The following KCNAB1 variants were observed in gnomAD, a reference collection of about 807,000 sequenced individuals.
KCNAB1 encodes the protein potassium voltage-gated channel subfamily A regulatory beta subunit 1, also known as voltage-gated potassium channel subunit beta-1.
Under a neutral mutation model 64.6 loss-of-function variants are expected in KCNAB1, and 35 were observed. That is an observed-to-expected ratio of 0.54 (90% CI 0.41 to 0.72). The LOEUF (loss-of-function observed/expected upper bound fraction) is 0.72, where lower values mean the gene tolerates loss of function less well. Ranked by LOEUF, KCNAB1 falls within the 30% of genes least tolerant of loss-of-function variation. KCNAB1 has a pLI of 0.00. For synonymous variants in KCNAB1, 177 were observed against 183.8 expected (o/e 0.96, Z 0.30); for missense variants, 401 against 512.9 (o/e 0.78, Z 2.11).
intron 2 of KCNAB1, among the ~76,000 whole-genome samples, chr3:156,426,169 C>T (rs892615825): frequency 6.6e-6 from 1 of 152,124 alleles, no homozygotes; most frequent in Admixed American, 6.5e-5. Context: ...CCTTCAAATC[C>T]AAAGGTCCCC....
At chr3:156,344,959 C>G (rs61376380) in intron 1 of KCNAB1, among the ~76,000 whole-genome samples, 4,769 of 152,246 alleles carry the variant, frequency 0.031, 150 homozygotes, top group African/African-American at 0.086. Flanking sequence ...TCAAATGACC[C>G]TAAGCATTCT....
chr3:156,126,657 G>T (rs1314197288), intron 1 of KCNAB1, among the ~76,000 whole-genome samples: 1 of 152,312 alleles, frequency 6.6e-6, no homozygotes, highest in East Asian at 1.9e-4. Flanking sequence ...CTCTGGGTAA[G>T]CCCCTTGCCT....
chr3:156,205,277 T>C (rs1036409694), intron 1 of KCNAB1, among the ~76,000 whole-genome samples: 4 of 152,188 alleles, frequency 2.6e-5, no homozygotes, highest in Non-Finnish European at 5.9e-5. Context: ...CATTTAAACA[T>C]CCACCTTGGT....
chr3:156,371,020 A>G (rs536274551), intron 1 of KCNAB1, among the ~76,000 whole-genome samples: 3 of 152,332 alleles, frequency 2.0e-5, no homozygotes, highest in Non-Finnish European at 4.4e-5. Flanking sequence ...CCTGTGTTCC[A>G]TGGTACAAAC....
chr3:156,515,864 A>G (rs569046439), intron 10 of KCNAB1, among the ~76,000 whole-genome samples: 5 of 152,366 alleles, frequency 3.3e-5, no homozygotes, highest in Non-Finnish European at 7.3e-5. Flanking sequence ...GAAAAGGAGA[A>G]AAAGATAAAA....
At chr3:156,410,482 G>T (rs1175349275) in intron 1 of KCNAB1, among the ~76,000 whole-genome samples, 1 of 152,072 alleles carries the variant, frequency 6.6e-6, no homozygotes, top group Non-Finnish European at 1.5e-5. Flanking sequence ...CAACATTCTG[G>T]TAGATATTTT....
Position 156,459,889 on chromosome 3 carries a change from A to C in KCNAB1, c.482+18A>C, listed in dbSNP as rs1576894625. ...GGCTGGAGGTATTGCATTCGCCATA[A>C]TTATTTGTTTTTAAAAAGGTATTAT... On this transcript the variant is annotated intron_variant, in intron 5 of 13. Coordinates refer to ENST00000490337, the MANE Select transcript of KCNAB1 (RefSeq NM_172160.3). The C allele has an allele frequency of 1.9e-6, 3 of 1,588,418 alleles. No homozygotes were observed. The East Asian group carries it at 6.7e-5, about 36-fold the overall frequency.
At chr3:156,310,530 A>G (rs139605104) in intron 1 of KCNAB1, among the ~76,000 whole-genome samples, 31 of 152,292 alleles carry the variant, frequency 2.0e-4, no homozygotes, top group East Asian at 3.9e-4. Flanking sequence ...CCTGCTGGGC[A>G]TGGTGGCTTA....
intron 1 of KCNAB1, among the ~76,000 whole-genome samples, chr3:156,415,937 T>G (rs991961938): frequency 6.6e-6 from 1 of 152,188 alleles, no homozygotes; most frequent in African/African-American, 2.4e-5. Flanking sequence ...AAAACCGTTG[T>G]TCCCCCAATG....
intron 1 of KCNAB1, among the ~76,000 whole-genome samples, chr3:156,179,000 CAAAAAAAA>C (rs200144513): frequency 5.6e-5 from 6 of 108,052 alleles, no homozygotes; most frequent in African/African-American, 2.1e-4. Flanking sequence ...GACTCCGTCT[CAAAAAAAA>C]AAAAAAAAAA....
intron 1 of KCNAB1, among the ~76,000 whole-genome samples, chr3:156,404,304 A>G (rs574174464): frequency 1.7e-4 from 26 of 151,380 alleles, no homozygotes; most frequent in African/African-American, 6.1e-4. Context: ...TTTTTTCTTT[A>G]CTGCATAACT....
intron 1 of KCNAB1, among the ~76,000 whole-genome samples, chr3:156,137,304 A>G (rs541203309): frequency 6.6e-6 from 1 of 152,166 alleles, no homozygotes; most frequent in Non-Finnish European, 1.5e-5. Context: ...ATCAGGTGAG[A>G]CTGAAGATGC....
intron 1 of KCNAB1, among the ~76,000 whole-genome samples, chr3:156,310,013 T>A (rs1200408729): frequency 6.6e-6 from 1 of 152,124 alleles, no homozygotes; most frequent in African/African-American, 2.4e-5. Context: ...GCTTGTTGAG[T>A]GATGAGATTT....
intron 1 of KCNAB1, among the ~76,000 whole-genome samples, chr3:156,130,552 C>T (rs1713935384): frequency 6.6e-6 from 1 of 152,172 alleles, no homozygotes; most frequent in Admixed American, 6.5e-5. Flanking sequence ...AAAAATGATC[C>T]TGCCCAATGT....
chr3:156,425,137 C>A (rs1159333377), intron 2 of KCNAB1, among the ~76,000 whole-genome samples: 2 of 152,168 alleles, frequency 1.3e-5, no homozygotes, highest in Non-Finnish European at 2.9e-5. Flanking sequence ...CTGCTGCAGG[C>A]TTAGGATGTC....
chr3:156,267,086 A>G (rs1718765774), intron 1 of KCNAB1, among the ~76,000 whole-genome samples: 1 of 152,130 alleles, frequency 6.6e-6, no homozygotes, highest in African/African-American at 2.4e-5. Context: ...CCCTAATCCC[A>G]GTATCCACAC....
intron 1 of KCNAB1, among the ~76,000 whole-genome samples, chr3:156,415,223 T>C (rs1714966444): frequency 6.6e-6 from 1 of 152,138 alleles, no homozygotes; most frequent in African/African-American, 2.4e-5. Flanking sequence ...AGATTCAGTG[T>C]TTAAAATAGC....
intron 2 of KCNAB1, among the ~76,000 whole-genome samples, chr3:156,426,605 CT>C (rs760310468): frequency 1.3e-5 from 2 of 152,276 alleles, no homozygotes; most frequent in Non-Finnish European, 2.9e-5. Flanking sequence ...TTTCACTGCT[CT>C]AAAAAATCCT....
chr3:156,171,407 C>A (rs1482324019), intron 1 of KCNAB1, among the ~76,000 whole-genome samples: 1 of 152,100 alleles, frequency 6.6e-6, no homozygotes, highest in African/African-American at 2.4e-5. Flanking sequence ...CCCCAGTGGT[C>A]CTTTGGCAAT....
Sources: gnomAD v4.1 joint callset for allele counts (sites outside exome capture counted in the v4.1 genomes callset) on GRCh38, gnomAD v4.1.1 for gene constraint, MANE v1.5 for transcripts, NCBI Gene and HGNC (gene_info 2026-07-23, HGNC 2026-07-21) for gene names.